The following MUC4 variants were observed in gnomAD, a reference collection of about 807,000 sequenced individuals.
MUC4 encodes the protein mucin 4, cell surface associated, also known as mucin-4.
A neutral mutation model predicts 257.9 loss-of-function variants in MUC4; 202 were observed. That is an observed-to-expected ratio of 0.78 (90% CI 0.70 to 0.88). The LOEUF (loss-of-function observed/expected upper bound fraction) is 0.88, where lower values mean the gene tolerates loss of function less well. Among genes scored for constraint, MUC4 ranks in the 40% least tolerant of loss-of-function variants. MUC4 has a pLI of 0.00. For synonymous variants in MUC4, 2,351 were observed against 2,757.1 expected (o/e 0.85, Z 4.62); for missense variants, 5,976 against 6,513.7 (o/e 0.92, Z 2.84).
chr3:195,760,252 T>C (rs892814430), intron 16 of MUC4, among the ~76,000 whole-genome samples: 5 of 151,988 alleles, frequency 3.3e-5, no homozygotes, highest in African/African-American at 1.2e-4. Context: ...TGGGTGAATG[T>C]GACATTTTAG....
At chr3:195,800,712 A>G (rs1383816092) in intron 1 of MUC4, among the ~76,000 whole-genome samples, 3 of 152,236 alleles carry the variant, frequency 2.0e-5, no homozygotes, top group African/African-American at 7.2e-5. Flanking sequence ...AAGAAGAAAA[A>G]GAAAGAAATC....
chr3:195,789,608 T>A lies in MUC4; in HGVS notation c.1972A>T (p.Met658Leu), dbSNP rs774323139. 4 of 1,613,692 alleles carry A rather than the reference T, an allele frequency of 2.5e-6. No individual in the cohort carries two copies. In the Admixed American group the frequency reaches 6.7e-5, roughly 27 times the overall value. ...GTGGTGACTGTCTTGGTGTCAGTCA[T>A]GGGGGAGACGGACCTCGTGGTTTGT... ...ESQTTRSVSP[M>L]TDTKTVTTPG... The change falls in exon 2 of 25, where the codon ATG (methionine) becomes TTG (leucine). Residue 658 changes from methionine to leucine, a missense_variant. Met to Leu is a conservative substitution (Grantham distance 15, BLOSUM62 2). Around this residue, in one of 44 missense-constraint regions of MUC4, gnomAD observed 1,583 missense variants for 1,257.4 expected, o/e 1.26. Transcript: ENST00000463781.
intron 8 of MUC4, 40 bp downstream of exon 8, chr3:195,766,623 G>C: frequency 1.3e-6 from 2 of 1,579,392 alleles, no homozygotes; most frequent in African/African-American, 2.7e-5. Context: ...ACACGCGAGG[G>C]CTTGAGACCA....
At position 195,770,362 on chromosome 3, in the gene MUC4, T is replaced by C; in HGVS notation, c.13252A>G (p.Thr4418Ala). ...RGTTFYQEYE[T>A]FYGEHSLLVQ... Reference sequence around the variant, plus strand: ...AGCAGGCTGTGTTCACCATAGAACGTCTCGTATTCCTAGGAAAGGAGGGCA... The same window carrying C: ...AGCAGGCTGTGTTCACCATAGAACGCCTCGTATTCCTAGGAAAGGAGGGCA... Residue 4418 changes from threonine to alanine, a missense_variant, in exon 6 of 25, where the codon ACG becomes GCG. Transcript: ENST00000463781. 4 of 1,613,608 alleles carry C rather than the reference T, an allele frequency of 2.5e-6. No homozygotes were observed. The highest frequency in any genetic ancestry group is 1.7e-5 in the Admixed American group (1 of 59,932).
At chr3:195,762,979 C>T (rs1288984244) in intron 12 of MUC4, 34 bp from the exon 13 acceptor site, 3 of 1,485,132 alleles carry the variant, frequency 2.0e-6, no homozygotes, top group Non-Finnish European at 2.7e-6. Context: ...TGAGCCCGAC[C>T]CGCAGGTGGA....
intron 7 of MUC4, 72 bp downstream of exon 7, chr3:195,768,950 T>C: frequency 6.5e-7 from 1 of 1,541,470 alleles, no homozygotes; most frequent in East Asian, 2.3e-5. Context: ...GATGGGAGTG[T>C]GTGTGCAGCG....
intron 16 of MUC4, among the ~76,000 whole-genome samples, chr3:195,759,674 C>T (rs1305457778): frequency 2.0e-5 from 3 of 152,188 alleles, no homozygotes; most frequent in Admixed American, 6.5e-5. Context: ...AATCCCAGCA[C>T]TTTGGGAGGC....
rs1733526188 is a variant in MUC4 at position 195,789,186 on chromosome 3, G to A, written c.2394C>T (p.Thr798=). The change falls in exon 2 of 25, where the codon ACC becomes ACT. Residue 798 remains threonine, a synonymous_variant. Coordinates refer to ENST00000463781, the MANE Select transcript of MUC4 (RefSeq NM_018406.7). ...AGGAAGGGGTAGCTGTGCCCGCTGA[G>A]GTGGTTCGTGACCCTGAGGAGGCCG... ...SEPASSGSRT[T]SAGTATPSSS... 3 of 1,613,758 alleles carry A rather than the reference G, an allele frequency of 1.9e-6. No individual in the cohort carries two copies. Among genetic ancestry groups the A allele is most frequent in the East Asian group, 4.5e-5 (2 of 44,894 alleles).
intron 18 of MUC4, among the ~76,000 whole-genome samples, chr3:195,756,542 T>C (rs933128767): frequency 9.2e-5 from 14 of 152,080 alleles, no homozygotes; most frequent in African/African-American, 3.4e-4. Flanking sequence ...CTTTCTTTCG[T>C]CCTTCTTTTT....
intron 1 of MUC4, among the ~76,000 whole-genome samples, chr3:195,803,225 G>C (rs1252684763): frequency 6.6e-6 from 1 of 152,164 alleles, no homozygotes; most frequent in Admixed American, 6.5e-5. Flanking sequence ...AGGTCCGGAC[G>C]GACTGGGACC....
At position 195,790,988 on chromosome 3, in the gene MUC4, G is replaced by A; in HGVS notation, c.592C>T (p.His198Tyr). 6.2e-7 allele frequency: 1 copy of A among 1,614,004 alleles called. No homozygotes were observed. Among genetic ancestry groups the A allele is most frequent in the Admixed American group, 1.7e-5 (1 of 60,010 alleles). ...IQDTSASSQNHWTRSTQTTRE... is the reference protein window; with the variant it reads ...IQDTSASSQNYWTRSTQTTRE... ...GTGGTCTGCGTGCTCCGAGTCCAGT[G>A]GTTCTGAGAAGAAGCTGATGTGTCT... The change falls in exon 2 of 25, where the codon CAC becomes TAC. Residue 198 changes from histidine to tyrosine, a missense_variant. Around this residue, in one of 44 missense-constraint regions of MUC4, gnomAD observed 1,583 missense variants for 1,257.4 expected, o/e 1.26. Transcript: ENST00000463781.
intron 8 of MUC4, among the ~76,000 whole-genome samples, 171 bp from the exon 9 acceptor site, chr3:195,765,620 T>A (rs1377778835): frequency 1.3e-5 from 2 of 152,228 alleles, no homozygotes; most frequent in East Asian, 1.9e-4. Context: ...CTCGCTTGAC[T>A]TAGCGTCTGC....
In MUC4 at chr3:195,784,957, G is replaced by A. The variant is rs753215736; in HGVS notation, c.6623C>T (p.Pro2208Leu). The A allele has an allele frequency of 3.9e-6, 5 of 1,276,744 alleles. No individual in the cohort carries two copies. The South Asian group carries it at 6.7e-5, about 17-fold the overall frequency. 79.1% of individuals were successfully genotyped at this position (1,276,744 alleles called of 1,614,324 possible). A position where few individuals can be genotyped will look rare whatever the true frequency, so the allele number is the denominator to read the frequency against. ...TGAGGAAGGGCTGGTGACAGGAAGA[G>A]GGGTGGCCTGACCTGTGGATGCTGA... ...TSSASTGQAT[P>L]LPVTSPSSAS... is the part of the protein sequence containing the mutation. The change falls in exon 2 of 25, where the codon CCT becomes CTT. Residue 2208 changes from proline to leucine, a missense_variant. Pro to Leu is a moderately conservative substitution (Grantham distance 98, BLOSUM62 -3). Transcript: ENST00000463781.
chr3:195,776,129 C>T (rs1391537026), intron 3 of MUC4, among the ~76,000 whole-genome samples: 2 of 27,122 alleles, frequency 7.4e-5, no homozygotes, highest in Admixed American at 3.4e-4. Context: ...ACCTTCCACA[C>T]CCATACCTTC....
intron 5 of MUC4, 108 bp downstream of exon 5, chr3:195,771,544 G>T: frequency 7.6e-7 from 1 of 1,314,370 alleles, no homozygotes. Flanking sequence ...TCAGTCCCCT[G>T]CTGCAGGGGC....
Position 195,759,249 on chromosome 3 carries a change from G to A in MUC4, c.14861C>T (p.Pro4954Leu), listed in dbSNP as rs775530193. 1.1e-5 allele frequency: 17 copies of A among 1,613,926 alleles called. No homozygotes were observed. Among genetic ancestry groups the A allele is most frequent in the Middle Eastern group, 1.6e-4 (1 of 6,074 alleles). Residue 4954 changes from proline to leucine, a missense_variant, in exon 17 of 25, where the codon CCC becomes CTC. Physicochemically the swap from Pro to Leu is moderately conservative, Grantham distance 98. This residue lies in a region of MUC4 where 996 missense variants were observed against 1,137.3 expected (regional missense o/e 0.88). Transcript: ENST00000463781. ...AATCACACGACCACCATTGATGGAG[G>A]GCGGGTACTGATCTGAAACACAAAG... Reference protein sequence around the residue: ...QANATLNQYPPSINGGRVIEA... With the variant: ...QANATLNQYPLSINGGRVIEA...
rs760671849 is a variant in MUC4 at position 195,788,616 on chromosome 3, A to G, written c.2964T>C (p.Gly988=). 6.3e-7 allele frequency: 1 copy of G among 1,593,834 alleles called. No homozygotes were observed. The highest frequency in any genetic ancestry group is 8.5e-7 in the Non-Finnish European group (1 of 1,170,356). Residue 988 remains glycine (G), a synonymous_variant, in exon 2 of 25, where the codon GGT becomes GGC. Transcript: ENST00000463781. ...PVTYASSAST[G]HTTPLHVTDA... ...CGGTGACATGAAGAGGGGTGGTGTG[A>G]CCTGTGGATGCCGAGGAAGCGTAGG...
chr3:195,762,316 G>T (rs1719172106), intron 13 of MUC4, 62 bp from the exon 14 acceptor site: 8 of 1,488,558 alleles, frequency 5.4e-6, no homozygotes, highest in African/African-American at 1.4e-5. Context: ...CACCAAACCC[G>T]CGCCCTGCCG....
At position 195,747,219 on chromosome 3, in the gene MUC4, G is replaced by C; in HGVS notation, c.16196C>G (p.Ala5399Gly). ...TGAGTTCAGGAAATAGGAGAACCTG[G>C]CCCCGGAGCAACCCCAGAAGCGCAG... is the stretch of plus-strand genomic sequence containing the variant. ...VVLRFWGCSG[A>G]RFSYFLNSAE... The change falls in exon 25 of 25, where the codon GCC becomes GGC. Residue 5399 changes from alanine to glycine, a missense_variant. By Grantham distance (60) the Ala-to-Gly change is moderately conservative. Transcript: ENST00000463781. The C allele has an allele frequency of 6.2e-7, 1 of 1,614,256 alleles. No individual in the cohort carries two copies. The highest frequency in any genetic ancestry group is 1.1e-5 in the South Asian group (1 of 91,088).
Sources: gnomAD v4.1 joint callset for allele counts (sites outside exome capture counted in the v4.1 genomes callset) on GRCh38, gnomAD v4.1.1 for gene constraint, gnomAD v4.1.1 regional missense constraint, MANE v1.5 for transcripts, NCBI Gene and HGNC (gene_info 2026-07-23, HGNC 2026-07-21) for gene names.